Variants in ACSM3 observed in about 807,000 individuals in gnomAD.
The protein encoded by ACSM3 is acyl-CoA synthetase medium chain family member 3.
In ACSM3, 61 loss-of-function variants were observed where a neutral mutation model predicts 74.1. That is an observed-to-expected ratio of 0.82 (90% CI 0.67 to 1.02). ACSM3 has a LOEUF of 1.02. Ranked by LOEUF, ACSM3 falls within the 50% of genes least tolerant of loss-of-function variation. The probability of loss-of-function intolerance (pLI) is 0.00; values close to 1 mark genes in which losing one functional copy is unlikely to be tolerated. For missense variants in ACSM3, 660 were observed against 697.0 expected (o/e 0.95, Z 0.60); for synonymous variants, 213 against 241.5 (o/e 0.88, Z 1.09).
At chr16:20,685,437 G>A in intron 1 of ACSM3, 1 of 1,601,694 alleles carries the variant, frequency 6.2e-7, no homozygotes, top group Non-Finnish European at 8.6e-7. Flanking sequence ...GTTATTTTCT[G>A]CTTCAAAGAA....
At chr16:20,783,812 A>ATTT (rs35116517) in intron 7 of ACSM3, among the ~76,000 whole-genome samples, 7 of 147,306 alleles carry the variant, frequency 4.8e-5, no homozygotes, top group African/African-American at 1.2e-4. Context: ...CCCCGTCTCA[A>ATTT]TTTTTTTTTT....
intron 1 of ACSM3, among the ~76,000 whole-genome samples, chr16:20,748,787 C>T (rs1450266002): frequency 2.0e-5 from 3 of 152,110 alleles, no homozygotes; most frequent in Non-Finnish European, 4.4e-5. Context: ...GGCAGTGGCT[C>T]ACACTTGTAA....
chr16:20,709,018 T>G (rs551165416), intron 1 of ACSM3, among the ~76,000 whole-genome samples: 1 of 152,344 alleles, frequency 6.6e-6, no homozygotes, highest in African/African-American at 2.4e-5. Flanking sequence ...GATAACATAA[T>G]GAAGAAAGGA....
intron 2 of ACSM3, among the ~76,000 whole-genome samples, chr16:20,751,981 A>T (rs1244875393): frequency 6.6e-6 from 1 of 151,798 alleles, no homozygotes; most frequent in Non-Finnish European, 1.5e-5. Context: ...TCCTCACATT[A>T]AAAAAAATGG....
At chr16:20,737,165 A>G in intron 1 of ACSM3, 1 of 1,614,200 alleles carries the variant, frequency 6.2e-7, no homozygotes, top group African/African-American at 1.3e-5. Flanking sequence ...TGTATTTTCT[A>G]AACAACATGT....
At chr16:20,707,947 G>A (rs2341644) in intron 1 of ACSM3, among the ~76,000 whole-genome samples, 94,016 of 152,066 alleles carry the variant, frequency 0.62, 30,211 homozygotes, top group Non-Finnish European at 0.72. Context: ...AAGAAGGTCA[G>A]TGAGATGCAA....
chr16:20,709,004 C>T (rs1404603541), intron 1 of ACSM3, among the ~76,000 whole-genome samples: 1 of 152,196 alleles, frequency 6.6e-6, no homozygotes, highest in African/African-American at 2.4e-5. Flanking sequence ...GGCAAACTTC[C>T]TCAGATAACA....
chr16:20,750,078 T>C (rs1286540672), intron 2 of ACSM3: 1 of 152,060 alleles, frequency 6.6e-6, no homozygotes, highest in African/African-American at 2.4e-5. Context: ...GATTGTGAAA[T>C]TGTGGAATCA....
intron 1 of ACSM3, among the ~76,000 whole-genome samples, chr16:20,714,306 GCAAA>G (rs141736953): frequency 0.029 from 4,437 of 151,902 alleles, 217 homozygotes; most frequent in African/African-American, 0.1. Flanking sequence ...GGCTGTAAGA[GCAAA>G]CAGAGGCCAG....
At chr16:20,699,112 GAC>G (rs780334591) in intron 1 of ACSM3, among the ~76,000 whole-genome samples, 2 of 152,154 alleles carry the variant, frequency 1.3e-5, no homozygotes, top group Non-Finnish European at 2.9e-5. Context: ...GCTTGGTCTT[GAC>G]ATTTGTAAAA....
Position 20,710,810 on chromosome 16 carries a change from T to C in ACSM3, c.-190+35988T>C, listed in dbSNP as rs573179974. ...GTACATAATAATAATTTAGGTCGAG[T>C]GCAGTGGCTCACACCTGTAATCCCA... is the stretch of plus-strand genomic sequence containing the variant. On this transcript the variant is annotated intron_variant, in intron 1 of 3. Transcript: ENST00000561584. Among the ~76,000 whole-genome samples the C allele has an allele frequency of 3.8e-3, 574 of 152,100 alleles. 2 individuals are homozygous for C. The highest frequency in any genetic ancestry group is 0.013 in the African/African-American group (547 of 41,486).
intron 9 of ACSM3, among the ~76,000 whole-genome samples, chr16:20,788,116 A>T (rs1229008736): frequency 6.6e-6 from 1 of 151,762 alleles, no homozygotes; most frequent in Non-Finnish European, 1.5e-5. Context: ...TTATTTTTTT[A>T]TTTTTTCACA....
chr16:20,734,996 A>G (rs1312781007), intron 1 of ACSM3: 3 of 152,214 alleles, frequency 2.0e-5, no homozygotes, highest in African/African-American at 7.2e-5. Flanking sequence ...GGTTAGAACA[A>G]GATTTGAGAG....
chr16:20,740,818 G>C (rs1596493303), intron 1 of ACSM3, among the ~76,000 whole-genome samples: 1 of 152,214 alleles, frequency 6.6e-6, no homozygotes, highest in South Asian at 2.1e-4. Context: ...TGTATTTTAA[G>C]TGCAGTAACT....
intron 1 of ACSM3, among the ~76,000 whole-genome samples, chr16:20,713,923 C>T (rs1367698988): frequency 3.3e-5 from 5 of 152,206 alleles, no homozygotes; most frequent in East Asian, 3.9e-4. Context: ...AGACTACACA[C>T]GGCAATAATG....
chr16:20,696,674 G>A (rs1231560943), intron 1 of ACSM3, among the ~76,000 whole-genome samples: 1 of 152,202 alleles, frequency 6.6e-6, no homozygotes, highest in African/African-American at 2.4e-5. Context: ...TGCTTAAAGT[G>A]CATTCTGAAA....
intron 1 of ACSM3, among the ~76,000 whole-genome samples, chr16:20,699,134 A>G (rs1035914902): frequency 1.3e-5 from 2 of 152,206 alleles, no homozygotes; most frequent in African/African-American, 4.8e-5. Context: ...ATGAAGCAGG[A>G]TTTGTTAATA....
At chr16:20,741,592 A>T in intron 1 of ACSM3, 2 of 1,573,182 alleles carry the variant, frequency 1.3e-6, no homozygotes, top group Non-Finnish European at 1.7e-6. Context: ...TTCATATTGC[A>T]GGTGATGAGG....
chr16:20,685,013 T>C (rs2079520413), intron 1 of ACSM3, among the ~76,000 whole-genome samples: 1 of 152,234 alleles, frequency 6.6e-6, no homozygotes. Flanking sequence ...GTTTTGTCTC[T>C]AATTAAACTG....
Sources: allele counts gnomAD v4.1 joint callset (sites outside exome capture counted in the v4.1 genomes callset), GRCh38; gene constraint gnomAD v4.1.1; transcripts MANE v1.5; gene names NCBI Gene and HGNC (gene_info 2026-07-23, HGNC 2026-07-21).